Variants in P4HB observed in about 807,000 individuals in gnomAD.
P4HB encodes the protein protein disulfide-isomerase.
P4HB carries 20 observed loss-of-function variants against 52.6 expected under a neutral mutation model. That is an observed-to-expected ratio of 0.38 (90% CI 0.27 to 0.55). P4HB has a LOEUF of 0.55. P4HB is among the 20% of genes least tolerant of loss of function. The pLI is 0.74. For synonymous variants in P4HB, 296 were observed against 277.9 expected, an observed-to-expected ratio of 1.07 and a Z score of -0.65; for missense variants, 601 against 669.2, an observed-to-expected ratio of 0.90 and a Z score of 1.12.
chr17:81,859,098 G>T, intron 2 of P4HB, 83 bp downstream of exon 2: 1 of 1,316,704 alleles, frequency 7.6e-7, no homozygotes, highest in South Asian at 1.2e-5. Context: ...CCTCCCCACC[G>T]CTCAGACAGC....
chr17:81,857,988 G>A lies in P4HB; in HGVS notation c.352+1193C>T, dbSNP rs1022747648. ...CACTTCCCGTTCCAAAAGTGAACATGAGTAAAAAATGAGAACATCAATCAC... is the reference window on the plus strand; with the variant it reads ...CACTTCCCGTTCCAAAAGTGAACATAAGTAAAAAATGAGAACATCAATCAC... On this transcript the variant is annotated intron_variant, in intron 2 of 10. Transcript: ENST00000331483. Among the ~76,000 whole-genome samples the A allele has an allele frequency of 1.4e-4, 21 of 152,080 alleles. 1 individual carries two copies. The highest frequency in any genetic ancestry group is 4.8e-4 in the African/African-American group (20 of 41,410).
chr17:81,851,165 C>T (rs957169566), intron 4 of P4HB, among the ~76,000 whole-genome samples: 2 of 151,772 alleles, frequency 1.3e-5, no homozygotes, highest in Non-Finnish European at 2.9e-5. Flanking sequence ...CTCCTGACCT[C>T]GTGACCCGCC....
chr17:81,845,566 T>C lies in P4HB; in HGVS notation c.1354A>G (p.Arg452Gly), dbSNP rs1307524685. The change falls in exon 9 of 11, where the codon AGG becomes GGG. Residue 452 changes from arginine to glycine, a missense_variant. Arg to Gly is a moderately radical substitution (Grantham distance 125). Transcript: ENST00000331483. Reference sequence around the variant, plus strand: ...CGTCTGGAGGGAAGGCGCACCGTCCTGTCGGCACTGGCAGGAAAGAACTTG... The same window carrying C: ...CGTCTGGAGGGAAGGCGCACCGTCCCGTCGGCACTGGCAGGAAAGAACTTG... ...TLKFFPASAD[R>G]TVIDYNGERT... The C allele has an allele frequency of 1.2e-6, 2 of 1,600,556 alleles. No individual in the cohort carries two copies. The highest frequency in any genetic ancestry group is 1.7e-6 in the Non-Finnish European group (2 of 1,170,256).
At chr17:81,856,251 C>T (rs919487888) in intron 2 of P4HB, among the ~76,000 whole-genome samples, 1 of 151,682 alleles carries the variant, frequency 6.6e-6, no homozygotes, top group Non-Finnish European at 1.5e-5. Flanking sequence ...ACTGCAACCT[C>T]GAACTTCTGG....
At chr17:81,847,397 C>A in intron 4 of P4HB, 50 bp from the exon 5 acceptor site, 1 of 1,500,718 alleles carries the variant, frequency 6.7e-7, no homozygotes, top group Non-Finnish European at 9.3e-7. Flanking sequence ...GGGAGCACAG[C>A]CCCTGGGCCC....
Position 81,855,674 on chromosome 17 carries a change from C to T in P4HB, c.353-88G>A, listed in dbSNP as rs1462194588. On this transcript the variant is annotated intron_variant, in intron 2 of 10. Transcript: ENST00000331483. This position sits in a 1 kb window ranked among gnomAD's most constrained non-coding sequence, Gnocchi z 4.3. Reference sequence around the variant, plus strand: ...TGCTCCCGTCTCTGCTCTCTGCCAGCCAGGCTGAGGACACCTGAATCAACC... The same window carrying T: ...TGCTCCCGTCTCTGCTCTCTGCCAGTCAGGCTGAGGACACCTGAATCAACC... 1 of 1,478,248 alleles carries T rather than the reference C, an allele frequency of 6.8e-7. No homozygotes were observed. Among genetic ancestry groups the T allele is most frequent in the African/African-American group, 1.4e-5 (1 of 72,276 alleles). 91.6% of individuals were successfully genotyped at this position (1,478,248 alleles called of 1,614,324 possible).
At position 81,855,676 on chromosome 17, in the gene P4HB, A is replaced by C; in HGVS notation, c.353-90T>G. On this transcript the variant is annotated intron_variant, in intron 2 of 10. Transcript: ENST00000331483. This position sits in a 1 kb window ranked among gnomAD's most constrained non-coding sequence, Gnocchi z 4.3. ...CTCCCGTCTCTGCTCTCTGCCAGCC[A>C]GGCTGAGGACACCTGAATCAACCTA... The C allele has an allele frequency of 6.8e-7, 1 of 1,463,914 alleles. No individual in the cohort carries two copies. 90.7% of individuals were successfully genotyped at this position (1,463,914 alleles called of 1,614,324 possible). A position where few individuals can be genotyped will look rare whatever the true frequency, so the allele number is the denominator to read the frequency against.
chr17:81,844,103 G>C lies in P4HB; in HGVS notation c.1447-11C>G, dbSNP rs1217631411. On this transcript the variant is annotated splice_polypyrimidine_tract_variant and intron_variant, in intron 10 of 10. Coordinates refer to ENST00000331483, the MANE Select transcript of P4HB (RefSeq NM_000918.4). ...CAGGTCCTCGAGATCCTGGGATACA[G>C]GAAAAGGGGCGGGGCGGGCAGGTTG... 2.5e-6 allele frequency: 4 copies of C among 1,596,994 alleles called. No individual in the cohort carries two copies.
At chr17:81,853,277 CT>C (rs2038860922) in intron 4 of P4HB, among the ~76,000 whole-genome samples, 1 of 152,210 alleles carries the variant, frequency 6.6e-6, no homozygotes, top group Non-Finnish European at 1.5e-5. Context: ...ATGCTCCGTG[CT>C]TACTACAGAA....
Position 81,846,267 on chromosome 17 carries a change from C to T in P4HB, c.1056+162G>A, listed in dbSNP as rs1456484177. On this transcript the variant is annotated intron_variant, in intron 7 of 10. Transcript: ENST00000331483. This position sits in a 1 kb window ranked among gnomAD's most constrained non-coding sequence, Gnocchi z 5.7. The stretch of plus-strand genomic sequence containing the variant: ...GGACAAGAGGGCTCCTACAGGTCCC[C>T]AAAGGTGTGACAAGAATGGTGGTCT... 1.3e-6 allele frequency: 1 copy of T among 741,932 alleles called. No homozygotes were observed. Among genetic ancestry groups the T allele is most frequent in the Non-Finnish European group, 2.2e-6 (1 of 453,950 alleles). 46.0% of individuals were successfully genotyped at this position (741,932 alleles called of 1,614,324 possible). A position where few individuals can be genotyped will look rare whatever the true frequency, so the allele number is the denominator to read the frequency against.
Position 81,846,953 on chromosome 17 carries a change from C to T in P4HB, c.849G>A (p.Lys283=), listed in dbSNP as rs2038744712. The change falls in exon 6 of 11, where the codon AAG becomes AAA. Residue 283 remains lysine, a synonymous_variant. Transcript: ENST00000331483. The surrounding 1 kb of genome is among the most constrained non-coding windows in gnomAD (Gnocchi z 5.7). ...ACCCAGAAGAGCAGCTCACCTTGCC[C>T]TTGAAGCTCTCGGCTGCTGTTTTGA... ...SNFKTAAESF[K]GKILFIFIDS... The T allele has an allele frequency of 9.3e-6, 15 of 1,613,858 alleles. No individual in the cohort carries two copies. The highest frequency in any genetic ancestry group is 1.2e-5 in the Non-Finnish European group (14 of 1,180,048).
At chr17:81,851,496 A>G (rs1264004406) in intron 4 of P4HB, among the ~76,000 whole-genome samples, 1 of 152,226 alleles carries the variant, frequency 6.6e-6, no homozygotes, top group Non-Finnish European at 1.5e-5. Flanking sequence ...AAGGCGGGTA[A>G]GGAGAGGCAG....
In P4HB at chr17:81,860,519, G is replaced by A; in HGVS notation, c.-48C>T. On this transcript the variant is annotated 5_prime_UTR_variant, in exon 1 of 11. Transcript: ENST00000331483. ...CGCTTCGGTTGGCGCCGCCGGGACA[G>A]CGGGGGCGACGAGAGCGCGCGCCGG... The A allele has an allele frequency of 8.1e-7, 1 of 1,233,822 alleles. No individual in the cohort carries two copies. The highest frequency in any genetic ancestry group is 3.6e-5 in the South Asian group (1 of 27,520). The allele number at this position is 1,233,822 out of a possible 1,614,324, so 76.4% of individuals were successfully genotyped here.
rs755065954 is a variant in P4HB at position 81,847,236 on chromosome 17, G to A, written c.729+7C>T. On this transcript the variant is annotated splice_region_variant and intron_variant, in intron 5 of 10. Transcript: ENST00000331483. ...TCCCCAGCCTGGGGGCTGCAGGGCAGCCGCACCTGCTCGGTGAACTCGATG... is the reference window on the plus strand; with the variant it reads ...TCCCCAGCCTGGGGGCTGCAGGGCAACCGCACCTGCTCGGTGAACTCGATG... 6 of 1,613,700 alleles carry A rather than the reference G, an allele frequency of 3.7e-6. No individual in the cohort carries two copies. Among genetic ancestry groups the A allele is most frequent in the Non-Finnish European group, 5.1e-6 (6 of 1,179,666 alleles).
At chr17:81,854,997 C>T (rs1353340630) in intron 4 of P4HB, 145 bp downstream of exon 4, 15 of 779,716 alleles carry the variant, frequency 1.9e-5, no homozygotes, top group Non-Finnish European at 3.3e-5. Context: ...ATCAGCGCAA[C>T]ACCCCAACTT....
intron 10 of P4HB, 40 bp from the exon 11 acceptor site, chr17:81,844,132 G>C (rs904557458): frequency 1.4e-6 from 2 of 1,417,886 alleles, no homozygotes; most frequent in Non-Finnish European, 2.0e-6. Flanking sequence ...CAGGTTGGCT[G>C]CAACAGCTGA....
intron 4 of P4HB, among the ~76,000 whole-genome samples, chr17:81,848,078 T>A (rs904076743): frequency 1.3e-5 from 2 of 152,136 alleles, no homozygotes; most frequent in African/African-American, 4.8e-5. Context: ...ATTTTTGGTA[T>A]TTTTAGTAGA....
At chr17:81,857,205 G>A (rs1457813507) in intron 2 of P4HB, among the ~76,000 whole-genome samples, 1 of 152,056 alleles carries the variant, frequency 6.6e-6, no homozygotes, top group Non-Finnish European at 1.5e-5. Flanking sequence ...CTGGAGTGCG[G>A]TGGCACGATC....
At chr17:81,851,274 C>A (rs2038826916) in intron 4 of P4HB, among the ~76,000 whole-genome samples, 1 of 152,222 alleles carries the variant, frequency 6.6e-6, no homozygotes, top group Non-Finnish European at 1.5e-5. Flanking sequence ...AATCACGCAT[C>A]CTTTCTTACT....
Sources: gnomAD v4.1 joint callset for allele counts (sites outside exome capture counted in the v4.1 genomes callset) on GRCh38, gnomAD v4.1.1 for gene constraint, Gnocchi (gnomAD v3.1) non-coding constraint, MANE v1.5 for transcripts, NCBI Gene and HGNC (gene_info 2026-07-23, HGNC 2026-07-21) for gene names.